Variants in DCLK2 observed in about 807,000 individuals in gnomAD.
The protein encoded by DCLK2 is doublecortin like kinase 2.
In DCLK2, 31 loss-of-function variants were observed where a neutral mutation model predicts 78.4. The observed-to-expected ratio is 0.40, with a 90% CI of 0.30 to 0.53. The LOEUF is 0.53. Ranked by LOEUF, DCLK2 falls within the 20% of genes least tolerant of loss-of-function variation. DCLK2 has a pLI of 0.61. For synonymous variants in DCLK2, 407 were observed against 374.9 expected (o/e 1.09, Z -0.99); for missense variants, 872 against 973.7 (o/e 0.90, Z 1.39).
Position 150,256,110 on chromosome 4 carries a change from C to A in DCLK2, c.2164C>A (p.Pro722Thr). The A allele has an allele frequency of 6.2e-7, 1 of 1,613,084 alleles. No homozygotes were observed. Among genetic ancestry groups the A allele is most frequent in the Non-Finnish European group, 8.5e-7 (1 of 1,179,938 alleles). The change falls in exon 16 of 16, where the codon CCT (proline) becomes ACT (threonine). Residue 722 changes from proline to threonine, a missense_variant. Transcript: ENST00000296550. Reference sequence around the variant, plus strand: ...TGGGATGGAGCCCATCTCTCCAGTTCCTCCCTCAGTGGAGGAGATCCCTGT... The same window carrying A: ...TGGGATGGAGCCCATCTCTCCAGTTACTCCCTCAGTGGAGGAGATCCCTGT... ...RPGMEPISPVPPSVEEIPVPG... is the reference protein window; with the variant it reads ...RPGMEPISPVTPSVEEIPVPG...
At chr4:150,185,322 C>T (rs947790659) in intron 2 of DCLK2, among the ~76,000 whole-genome samples, 13 of 152,156 alleles carry the variant, frequency 8.5e-5, no homozygotes, top group African/African-American at 2.7e-4. Context: ...TTACCTCCCA[C>T]GAGGTTTCTC....
intron 2 of DCLK2, among the ~76,000 whole-genome samples, chr4:150,135,510 C>A (rs1303966094): frequency 1.3e-5 from 2 of 152,120 alleles, no homozygotes; most frequent in African/African-American, 4.8e-5. Flanking sequence ...GACCCATCAC[C>A]GTCTTCAAGA....
intron 3 of DCLK2, among the ~76,000 whole-genome samples, chr4:150,194,153 TC>T (rs1738687794): frequency 6.6e-6 from 1 of 152,088 alleles, no homozygotes; most frequent in Non-Finnish European, 1.5e-5. Context: ...ATGACTGTAG[TC>T]CCATCAGGAT....
chr4:150,193,512 T>C lies in DCLK2; in HGVS notation c.859+272T>C, dbSNP rs369377754. Among the ~76,000 whole-genome samples, 257 of 152,276 alleles carry C rather than the reference T, an allele frequency of 1.7e-3. 10 individuals carry two copies. The South Asian group carries it at 0.051, about 30-fold the overall frequency. On this transcript the variant is annotated intron_variant, in intron 3 of 15. Transcript: ENST00000296550. ...TTAGCAATTCAGTTCCCTCTCTTAT[T>C]GCATTGTTTGCATTGTTTTGCCACT...
intron 15 of DCLK2, chr4:150,253,929 G>C (rs1158365267): frequency 2.0e-6 from 2 of 981,444 alleles, no homozygotes; most frequent in Middle Eastern, 1.0e-3. Context: ...AGATGAGTTT[G>C]TATCAGTAAG....
intron 2 of DCLK2, among the ~76,000 whole-genome samples, chr4:150,129,446 C>T (rs955342345): frequency 5.9e-5 from 9 of 152,000 alleles, no homozygotes; most frequent in Admixed American, 3.9e-4. Context: ...AATGGCCAGG[C>T]GCCGTGGCTT....
At chr4:150,198,764 GGAAA>G (rs1319881196) in intron 4 of DCLK2, among the ~76,000 whole-genome samples, 1 of 152,062 alleles carries the variant, frequency 6.6e-6, no homozygotes, top group Non-Finnish European at 1.5e-5. Context: ...TTCCTCTGAA[GGAAA>G]GAATTGTGAA....
chr4:150,182,615 A>G (rs1340062512), intron 2 of DCLK2, among the ~76,000 whole-genome samples: 1 of 152,068 alleles, frequency 6.6e-6, no homozygotes, highest in African/African-American at 2.4e-5. Flanking sequence ...AAAAAGTTGT[A>G]TTTCTGCTTG....
At chr4:150,231,629 C>T (rs1400077758) in intron 8 of DCLK2, among the ~76,000 whole-genome samples, 2 of 152,142 alleles carry the variant, frequency 1.3e-5, no homozygotes, top group Middle Eastern at 6.3e-3. Flanking sequence ...CATTTTGCTA[C>T]AGTGCTGATC....
Position 150,236,824 on chromosome 4 carries a change from C to A in DCLK2, c.1567-2918C>A, listed in dbSNP as rs79088689. Among the ~76,000 whole-genome samples, 127 of 152,290 alleles carry A rather than the reference C, an allele frequency of 8.3e-4. 3 individuals carry two copies. In the East Asian group the frequency reaches 0.024, roughly 28 times the overall value. ...GGCTTGTCTACCCCTAATGACACTT[C>A]CTTTGTGATGTTTAGCCAAGGAATA... is the stretch of plus-strand genomic sequence containing the variant. On this transcript the variant is annotated intron_variant, in intron 10 of 15. Coordinates refer to ENST00000296550, the MANE Select transcript of DCLK2 (RefSeq NM_001040260.4).
intron 10 of DCLK2, among the ~76,000 whole-genome samples, chr4:150,236,732 C>T (rs1742538613): frequency 6.6e-6 from 1 of 152,172 alleles, no homozygotes; most frequent in Non-Finnish European, 1.5e-5. Flanking sequence ...GAAATGTATT[C>T]ATATTAGACA....
intron 2 of DCLK2, among the ~76,000 whole-genome samples, chr4:150,119,879 C>T (rs1732394365): frequency 6.6e-6 from 1 of 152,082 alleles, no homozygotes; most frequent in African/African-American, 2.4e-5. Flanking sequence ...GCCTCTATGC[C>T]AAAAGCCCTA....
At chr4:150,083,964 A>G (rs1345597062) in intron 1 of DCLK2, among the ~76,000 whole-genome samples, 1 of 152,260 alleles carries the variant, frequency 6.6e-6, no homozygotes. Context: ...GGAGAGAGAC[A>G]GTAAACATAC....
chr4:150,197,527 G>T (rs1022826148), intron 3 of DCLK2, among the ~76,000 whole-genome samples: 2 of 152,142 alleles, frequency 1.3e-5, no homozygotes, highest in African/African-American at 4.8e-5. Context: ...GCTGAGGCGG[G>T]TGTACCGCCT....
At chr4:150,150,824 G>A (rs1258075298) in intron 2 of DCLK2, among the ~76,000 whole-genome samples, 1 of 152,242 alleles carries the variant, frequency 6.6e-6, no homozygotes, top group Admixed American at 6.5e-5. Flanking sequence ...TTAATGTGCT[G>A]TGAGTGTCCT....
intron 4 of DCLK2, among the ~76,000 whole-genome samples, chr4:150,200,533 C>G (rs1030479904): frequency 6.6e-6 from 1 of 152,158 alleles, no homozygotes; most frequent in Non-Finnish European, 1.5e-5. Flanking sequence ...TTTCTACCAC[C>G]AGGAAGAAGA....
In DCLK2 at chr4:150,221,705, A is replaced by G. The variant is rs372651298; in HGVS notation, c.1161A>G (p.Ser387=). The change falls in exon 7 of 16, where the codon TCA becomes TCG. Residue 387 remains serine (S), a synonymous_variant. Coordinates refer to ENST00000296550, the MANE Select transcript of DCLK2 (RefSeq NM_001040260.4). Reference sequence around the variant, plus strand: ...TGAATGGAAACAGATGCTCTGAATCATCAACTCTTCTTGAGAAATACAAAA... The same window carrying G: ...TGAATGGAAACAGATGCTCTGAATCGTCAACTCTTCTTGAGAAATACAAAA... The part of the protein sequence containing the change: ...EGVNGNRCSE[S]STLLEKYKIG... The G allele has an allele frequency of 1.9e-6, 3 of 1,603,730 alleles. No individual in the cohort carries two copies. The African/African-American group carries it at 4.0e-5, about 22-fold the overall frequency.
intron 9 of DCLK2, 58 bp downstream of exon 9, chr4:150,232,514 A>G (rs769772786): frequency 3.1e-6 from 5 of 1,595,472 alleles, no homozygotes; most frequent in Non-Finnish European, 4.3e-6. Context: ...ACATCCTTGA[A>G]GGACCTAATC....
At chr4:150,121,338 T>G (rs1462119162) in intron 2 of DCLK2, among the ~76,000 whole-genome samples, 1 of 145,744 alleles carries the variant, frequency 6.9e-6, no homozygotes, top group Non-Finnish European at 1.5e-5. Context: ...ATATTCTAAA[T>G]CCTTTGTTGC....
Sources: allele counts gnomAD v4.1 joint callset (sites outside exome capture counted in the v4.1 genomes callset), GRCh38; gene constraint gnomAD v4.1.1; transcripts MANE v1.5; gene names NCBI Gene and HGNC (gene_info 2026-07-23, HGNC 2026-07-21).